The following PCDH7 variants were observed in gnomAD, a reference collection of about 807,000 sequenced individuals.
PCDH7 encodes protocadherin-7.
Under a neutral mutation model 58.9 loss-of-function variants are expected in PCDH7, and 17 were observed. The ratio of observed to expected loss-of-function variants is 0.29; its 90% CI spans 0.20 to 0.43. The LOEUF (loss-of-function observed/expected upper bound fraction) is 0.43, where lower values mean the gene tolerates loss of function less well. Ranked by LOEUF, PCDH7 falls within the 20% of genes least tolerant of loss-of-function variation. The probability of loss-of-function intolerance (pLI) is 1.00; values close to 1 mark genes in which losing one functional copy is unlikely to be tolerated. For missense variants in PCDH7, 1,274 were observed against 1,441.0 expected (o/e 0.88, Z 1.88); for synonymous variants, 664 against 616.4 (o/e 1.08, Z -1.14).
chr4:30,852,985 T>C (rs1412140846), intron 1 of PCDH7, among the ~76,000 whole-genome samples: 1 of 152,016 alleles, frequency 6.6e-6, no homozygotes, highest in Non-Finnish European at 1.5e-5. Flanking sequence ...TGATTGGTAA[T>C]GGCTTTCTGG....
chr4:30,970,397 C>T (rs1046153338), intron 3 of PCDH7, among the ~76,000 whole-genome samples: 1 of 152,008 alleles, frequency 6.6e-6, no homozygotes, highest in Non-Finnish European at 1.5e-5. Context: ...CGTGTTCACG[C>T]CATTCTCCTG....
intron 1 of PCDH7, among the ~76,000 whole-genome samples, chr4:30,853,491 C>T (rs1480160923): frequency 6.6e-6 from 1 of 152,050 alleles, no homozygotes; most frequent in Non-Finnish European, 1.5e-5. Flanking sequence ...TAAGTTGAGC[C>T]AGAAGCTAGA....
At chr4:30,909,979 T>C (rs1315028191) in intron 1 of PCDH7, among the ~76,000 whole-genome samples, 1 of 152,066 alleles carries the variant, frequency 6.6e-6, no homozygotes, top group Non-Finnish European at 1.5e-5. Flanking sequence ...AAAACAAATA[T>C]GTAGACCAAT....
chr4:31,105,052 C>T (rs1560228681), intron 3 of PCDH7, among the ~76,000 whole-genome samples: 2 of 152,004 alleles, frequency 1.3e-5, no homozygotes, highest in Non-Finnish European at 2.9e-5. Context: ...TCATTTTGAC[C>T]CAAAGGATGG....
At position 31,079,021 on chromosome 4, in the gene PCDH7, G is replaced by A. The variant is rs1759247557; in HGVS notation, c.*8-63452G>A. On this transcript the variant is annotated intron_variant, in intron 3 of 3. Coordinates refer to the PCDH7 transcript ENST00000509759. ...GTGATAATTGGGTGTAGGAAGAGTG[G>A]ACATTTACTTCACAAAATGCACAAA... 1.3e-5 allele frequency among the ~76,000 whole-genome samples: 2 copies of A among 151,644 alleles called. 1 individual carries two copies. The highest frequency in any genetic ancestry group is 4.2e-4 in the South Asian group (2 of 4,812).
chr4:30,988,105 A>G (rs1751139623), intron 3 of PCDH7, among the ~76,000 whole-genome samples: 1 of 152,208 alleles, frequency 6.6e-6, no homozygotes, highest in Non-Finnish European at 1.5e-5. Flanking sequence ...CATTTGTAAA[A>G]ATTGTGTGTT....
intron 3 of PCDH7, among the ~76,000 whole-genome samples, chr4:31,099,639 AAGG>A (rs947240457): frequency 1.3e-5 from 2 of 152,124 alleles, no homozygotes; most frequent in African/African-American, 4.8e-5. Context: ...AAAAGTTGAG[AAGG>A]AGAATACTAT....
At position 30,804,901 on chromosome 4, in the gene PCDH7, A is replaced by C. The variant is rs550738253; in HGVS notation, c.70+80305A>C. On this transcript the variant is annotated intron_variant, in intron 1 of 3. Coordinates refer to the PCDH7 transcript ENST00000509759. The stretch of plus-strand genomic sequence containing the variant: ...AGTGTTGTCTATGTAGTCGTTCTCT[A>C]TTAGTCACATCTTAAGGTCTCCTTA... Among the ~76,000 whole-genome samples the C allele has an allele frequency of 8.5e-5, 13 of 152,252 alleles. No individual in the cohort carries two copies. In the South Asian group the frequency reaches 2.3e-3, roughly 27 times the overall value.
At chr4:30,955,339 A>G (rs1747742118) in intron 3 of PCDH7, among the ~76,000 whole-genome samples, 1 of 151,974 alleles carries the variant, frequency 6.6e-6, no homozygotes, top group Non-Finnish European at 1.5e-5. Flanking sequence ...GAAAAAACTG[A>G]CTCACATAAG....
At chr4:30,868,640 T>A (rs544709985) in intron 1 of PCDH7, among the ~76,000 whole-genome samples, 14 of 152,210 alleles carry the variant, frequency 9.2e-5, no homozygotes, top group South Asian at 4.1e-4. Context: ...AAATCTATGT[T>A]TATGTAAGTG....
In PCDH7 at chr4:30,724,341, C is replaced by T. The variant is rs1378684183; in HGVS notation, c.2919C>T (p.Asp973=). ...ATAGTGTCAATGAGAAGCTGTCAGACAGCCCAAGCATGGGGCGATACAGGT... is the reference window on the plus strand; with the variant it reads ...ATAGTGTCAATGAGAAGCTGTCAGATAGCCCAAGCATGGGGCGATACAGGT... Residue 973 remains aspartate, a synonymous_variant, in exon 1 of 2, where the codon GAC becomes GAT. Transcript: ENST00000361762. 3 of 1,613,990 alleles carry T rather than the reference C, an allele frequency of 1.9e-6. No individual in the cohort carries two copies. The East Asian group carries it at 6.7e-5, about 36-fold the overall frequency.
chr4:30,987,577 G>A (rs1257636117), intron 3 of PCDH7: 1 of 152,012 alleles, frequency 6.6e-6, no homozygotes, highest in East Asian at 1.9e-4. Context: ...CTGCTTCTCA[G>A]GTGGCTGAGG....
chr4:30,894,514 T>C (rs372112728), intron 1 of PCDH7, among the ~76,000 whole-genome samples: 44 of 48,034 alleles, frequency 9.2e-4, no homozygotes, highest in African/African-American at 1.6e-3. Flanking sequence ...TATATATATA[T>C]ATACACACAC....
intron 1 of PCDH7, among the ~76,000 whole-genome samples, chr4:30,906,550 C>T (rs778380806): frequency 1.3e-5 from 2 of 151,958 alleles, no homozygotes; most frequent in Non-Finnish European, 2.9e-5. Context: ...AAAGGCTATA[C>T]AGTATAGTTG....
chr4:31,130,438 A>G (rs1718834799), intron 3 of PCDH7, among the ~76,000 whole-genome samples: 1 of 152,202 alleles, frequency 6.6e-6, no homozygotes, highest in Non-Finnish European at 1.5e-5. Flanking sequence ...TTTCCACTCC[A>G]TATCTTTTAA....
rs564837313 is a variant in PCDH7, at chr4:30,846,864, C to T, written c.71-73289C>T. Among the ~76,000 whole-genome samples the T allele has an allele frequency of 6.6e-4, 100 of 152,198 alleles. 1 individual carries two copies. Among genetic ancestry groups the T allele is most frequent in the African/African-American group, 2.4e-3 (100 of 41,540 alleles). ...TGCAGCCAGGGGCAGTGGCTCATGA[C>T]TATAATCTCAGCATTTTGGAAGGCC... On this transcript the variant is annotated intron_variant, in intron 1 of 3. Coordinates refer to the PCDH7 transcript ENST00000509759.
intron 1 of PCDH7, among the ~76,000 whole-genome samples, chr4:30,727,861 T>G (rs1383798300): frequency 6.6e-6 from 1 of 151,976 alleles, no homozygotes; most frequent in Non-Finnish European, 1.5e-5. Context: ...GTACAGTTAC[T>G]ATTTTGCTTA....
intron 2 of PCDH7, among the ~76,000 whole-genome samples, chr4:30,929,863 C>T (rs2109424792): frequency 6.6e-6 from 1 of 152,276 alleles, no homozygotes; most frequent in East Asian, 1.9e-4. Context: ...TATGAGGCCA[C>T]ATTTCACCAA....
intron 3 of PCDH7, among the ~76,000 whole-genome samples, chr4:31,026,634 CA>C (rs1215333642): frequency 6.6e-6 from 1 of 152,152 alleles, no homozygotes; most frequent in African/African-American, 2.4e-5. Context: ...TTCTTTGGGA[CA>C]AAACATTCTG....
Sources: allele counts gnomAD v4.1 joint callset (sites outside exome capture counted in the v4.1 genomes callset), GRCh38; gene constraint gnomAD v4.1.1; transcripts MANE v1.5; gene names NCBI Gene and HGNC (gene_info 2026-07-23, HGNC 2026-07-21).